AADACL2: variants seen among roughly 807,000 people sequenced by gnomAD.
AADACL2 encodes the protein arylacetamide deacetylase-like 2.
A neutral mutation model predicts 22.3 loss-of-function variants in AADACL2; 23 were observed. The observed-to-expected ratio is 1.03, with a 90% CI of 0.74 to 1.46. The LOEUF is 1.46. Among genes scored for constraint, AADACL2 ranks in the 40% most tolerant of loss-of-function variants. The pLI, the probability that AADACL2 is intolerant of heterozygous loss-of-function variation, is 0.00. For synonymous variants in AADACL2, 177 were observed against 166.2 expected (o/e 1.07, Z -0.50); for missense variants, 472 against 482.9 (o/e 0.98, Z 0.21).
chr3:151,748,208 T>C (rs1035615281), intron 4 of AADACL2, among the ~76,000 whole-genome samples: 2 of 152,230 alleles, frequency 1.3e-5, no homozygotes, highest in South Asian at 4.1e-4. Context: ...TAAAGTCATT[T>C]TTCTCTAAGC....
Position 151,757,390 on chromosome 3 carries a change from T to C in AADACL2, c.1002T>C (p.Tyr334=), listed in dbSNP as rs753205765. The C allele has an allele frequency of 6.2e-6, 10 of 1,613,668 alleles. No homozygotes were observed. The highest frequency in any genetic ancestry group is 2.2e-5 in the East Asian group (1 of 44,878). Residue 334 remains tyrosine, a synonymous_variant, in exon 5 of 5, where the codon TAT becomes TAC. Transcript: ENST00000356517. ...DSQLQNLPLT[Y]ILTCQHDLLR... is the part of the protein sequence containing the mutation. ...AGTTACAGAATTTGCCACTAACCTA[T>C]ATTCTTACTTGTCAACATGATCTCT...
chr3:151,738,459 T>A (rs926948036), intron 1 of AADACL2, among the ~76,000 whole-genome samples: 8 of 152,138 alleles, frequency 5.3e-5, no homozygotes, highest in African/African-American at 1.9e-4. Context: ...GAGAATCTGA[T>A]GATTATGTGT....
chr3:151,737,309 G>T (rs1485076881), intron 1 of AADACL2, among the ~76,000 whole-genome samples: 1 of 151,056 alleles, frequency 6.6e-6, no homozygotes, highest in East Asian at 1.9e-4. Flanking sequence ...ATTTGATTGT[G>T]CTGTGGTCCG....
In AADACL2 at chr3:151,759,381, G is replaced by C. The variant is rs995820721; in HGVS notation, c.*1787G>C. ...GATTTGTAAGAAAATCATTAAAAAT[G>C]CAGCTCTCTAGGAAGCACATTTTGT... On this transcript the variant is annotated 3_prime_UTR_variant, in exon 5 of 5. Transcript: ENST00000356517. The C allele has an allele frequency of 1.1e-4, 16 of 152,088 alleles. No individual in the cohort carries two copies. The highest frequency in any genetic ancestry group is 3.9e-4 in the African/African-American group (16 of 41,424). The allele number at this position is 152,088 out of a possible 1,614,324, so 9.4% of individuals were successfully genotyped here. A position where few individuals can be genotyped will look rare whatever the true frequency, so the allele number is the denominator to read the frequency against.
At chr3:151,742,497 T>A (rs756307144) in intron 2 of AADACL2, among the ~76,000 whole-genome samples, 4 of 152,132 alleles carry the variant, frequency 2.6e-5, no homozygotes. Flanking sequence ...AATGAAGACA[T>A]AGATTTGAAA....
Position 151,745,686 on chromosome 3 carries a change from T to G in AADACL2, c.603+6T>G. 6.4e-7 allele frequency: 1 copy of G among 1,566,934 alleles called. No homozygotes were observed. Among genetic ancestry groups the G allele is most frequent in the Non-Finnish European group, 8.6e-7 (1 of 1,161,098 alleles). On this transcript the variant is annotated splice_donor_region_variant and intron_variant, in intron 4 of 4. Coordinates refer to ENST00000356517, the MANE Select transcript of AADACL2 (RefSeq NM_207365.4). ...CAACAGCGGTCACTCAACAGGTACA[T>G]TATATTTGTTTTTATGATAGGAGGC...
chr3:151,739,470 GGGGTCAGC>G (rs2107981391), intron 1 of AADACL2, among the ~76,000 whole-genome samples: 1 of 152,336 alleles, frequency 6.6e-6, no homozygotes, highest in South Asian at 2.1e-4. Flanking sequence ...AGGAGGCACA[GGGGTCAGC>G]GAACCATTTG....
intron 4 of AADACL2, among the ~76,000 whole-genome samples, chr3:151,747,572 G>C (rs1471719353): frequency 6.6e-6 from 1 of 152,024 alleles, no homozygotes; most frequent in Non-Finnish European, 1.5e-5. Context: ...ACCAATGACA[G>C]GATTTTCTTC....
At chr3:151,747,731 T>G (rs1470937699) in intron 4 of AADACL2, among the ~76,000 whole-genome samples, 4 of 152,126 alleles carry the variant, frequency 2.6e-5, no homozygotes, top group East Asian at 3.9e-4. Context: ...TGAATACTGC[T>G]TCAATGAATA....
In AADACL2 at chr3:151,733,961, C is replaced by T. The variant is rs1713004948; in HGVS notation, c.-75C>T. 1.4e-6 allele frequency: 2 copies of T among 1,437,726 alleles called. No individual in the cohort carries two copies. Among genetic ancestry groups the T allele is most frequent in the Non-Finnish European group, 1.9e-6 (2 of 1,073,050 alleles). 89.1% of individuals were successfully genotyped at this position (1,437,726 alleles called of 1,614,324 possible). A position where few individuals can be genotyped will look rare whatever the true frequency, so the allele number is the denominator to read the frequency against. ...GAGAGAGTTCCCAAGTCTACAATTG[C>T]TCTACTAGTTACTATTCAGTGTTTG... On this transcript the variant is annotated 5_prime_UTR_variant, in exon 1 of 5. Coordinates refer to ENST00000356517, the MANE Select transcript of AADACL2 (RefSeq NM_207365.4).
Position 151,740,788 on chromosome 3 carries a change from A to C in AADACL2, c.281A>C (p.Tyr94Ser), listed in dbSNP as rs751823016. 1.9e-6 allele frequency: 3 copies of C among 1,613,938 alleles called. No homozygotes were observed. Among genetic ancestry groups the C allele is most frequent in the African/African-American group, 2.7e-5 (2 of 74,934 alleles). Reference protein sequence around the residue: ...TTFVDIPVRLYLPKRKSETRR... With the variant: ...TTFVDIPVRLSLPKRKSETRR... The stretch of plus-strand genomic sequence containing the variant: ...TTTGTTGACATTCCAGTACGATTGT[A>C]CTTGCCAAAAAGAAAGTCAGAAACC... Residue 94 changes from tyrosine (Y) to serine (S), a missense_variant, in exon 2 of 5, where the codon TAC becomes TCC. This residue lies in a region of AADACL2 where 356 missense variants were observed against 365.5 expected (regional missense o/e 0.97). Transcript: ENST00000356517.
chr3:151,736,377 T>C (rs1256103217), intron 1 of AADACL2, among the ~76,000 whole-genome samples: 4 of 151,786 alleles, frequency 2.6e-5, no homozygotes, highest in African/African-American at 9.7e-5. Context: ...TGCATAGGTA[T>C]ACATGTGCCA....
chr3:151,740,145 T>TGA (rs897875615), intron 1 of AADACL2, among the ~76,000 whole-genome samples: 2 of 152,202 alleles, frequency 1.3e-5, no homozygotes, highest in African/African-American at 4.8e-5. Flanking sequence ...TGTAGGCACA[T>TGA]GAGAGCATCT....
chr3:151,749,576 G>A (rs546176582), intron 4 of AADACL2, among the ~76,000 whole-genome samples: 2,692 of 152,046 alleles, frequency 0.018, 30 homozygotes, highest in Non-Finnish European at 0.027. Context: ...TCTGCCTCCC[G>A]GGTTCATGCC....
intron 4 of AADACL2, among the ~76,000 whole-genome samples, chr3:151,747,610 G>A (rs1401920706): frequency 2.2e-5 from 3 of 138,186 alleles, no homozygotes; most frequent in Non-Finnish European, 4.6e-5. Flanking sequence ...ATATTCCATT[G>A]TGTGTGTTTG....
Position 151,757,403 on chromosome 3 carries a change from C to A in AADACL2, c.1015C>A (p.Gln339Lys). 1 of 1,613,660 alleles carries A rather than the reference C, an allele frequency of 6.2e-7. No homozygotes were observed. The highest frequency in any genetic ancestry group is 1.1e-5 in the South Asian group (1 of 91,024). The change falls in exon 5 of 5, where the codon CAA (glutamine) becomes AAA (lysine). Residue 339 changes from glutamine (Q) to lysine (K), a missense_variant. Around this residue, in one of 3 missense-constraint regions of AADACL2, gnomAD observed 113 missense variants for 100.9 expected, o/e 1.12. Coordinates refer to ENST00000356517, the MANE Select transcript of AADACL2 (RefSeq NM_207365.4). Reference sequence around the variant, plus strand: ...GCCACTAACCTATATTCTTACTTGTCAACATGATCTCTTAAGAGATGATGG... The same window carrying A: ...GCCACTAACCTATATTCTTACTTGTAAACATGATCTCTTAAGAGATGATGG... ...NLPLTYILTC[Q>K]HDLLRDDGLM...
At chr3:151,744,367 A>C (rs1713374992) in intron 3 of AADACL2, among the ~76,000 whole-genome samples, 1 of 152,146 alleles carries the variant, frequency 6.6e-6, no homozygotes, top group Admixed American at 6.6e-5. Flanking sequence ...ATTATACCCC[A>C]GAGTAAGCAG....
At chr3:151,749,105 G>C (rs1371830678) in intron 4 of AADACL2, among the ~76,000 whole-genome samples, 1 of 152,118 alleles carries the variant, frequency 6.6e-6, no homozygotes, top group Non-Finnish European at 1.5e-5. Flanking sequence ...CATTGAATCT[G>C]TACATTGCTT....
chr3:151,740,699 G>C lies in AADACL2; in HGVS notation c.192G>C (p.Met64Ile), dbSNP rs367686762. Residue 64 changes from methionine (M) to isoleucine (I), a missense_variant, in exon 2 of 5, where the codon ATG becomes ATC. Transcript: ENST00000356517. ...RIMRYEEFIS[M>I]IFRLDYTQPL... ...TGAGATATGAAGAGTTTATATCCAT[G>C]ATATTCAGGCTGGATTATACCCAAC... The C allele has an allele frequency of 9.7e-5, 156 of 1,613,692 alleles. 1 individual carries two copies. The highest frequency in any genetic ancestry group is 1.2e-4 in the Non-Finnish European group (145 of 1,179,860).
Sources: allele counts gnomAD v4.1 joint callset (sites outside exome capture counted in the v4.1 genomes callset), GRCh38; gene constraint gnomAD v4.1.1; regional missense constraint gnomAD v4.1.1; transcripts MANE v1.5; gene names NCBI Gene and HGNC (gene_info 2026-07-23, HGNC 2026-07-21).